Variants in EPHA1 observed in about 807,000 individuals in gnomAD.
EPHA1 encodes the protein ephrin type-A receptor 1.
Under a neutral mutation model 110.1 loss-of-function variants are expected in EPHA1, and 92 were observed. That is an observed-to-expected ratio of 0.84 (90% CI 0.71 to 0.99). The LOEUF (loss-of-function observed/expected upper bound fraction) is 0.99. EPHA1 is among the 50% of genes least tolerant of loss of function. EPHA1 has a pLI of 0.00. For synonymous variants in EPHA1, 500 were observed against 516.1 expected (o/e 0.97, Z 0.42); for missense variants, 1,204 against 1,285.4 (o/e 0.94, Z 0.97).
Position 143,393,709 on chromosome 7 carries a change from G to T in EPHA1, c.2658C>A (p.Asn886Lys). 1 of 1,613,884 alleles carries T rather than the reference G, an allele frequency of 6.2e-7. No homozygotes were observed. The highest frequency in any genetic ancestry group is 1.7e-4 in the Middle Eastern group (1 of 6,018). The part of the protein sequence containing the change: ...LQAHLEQLLA[N>K]PHSLRTIANF... The stretch of plus-strand genomic sequence containing the variant: ...TGGCAATGGTCCGCAGGGAGTGGGG[G>T]TTGGCAAGCAGTTGCTCCAGATGTG... The change falls in exon 16 of 18, where the codon AAC (asparagine) becomes AAA (lysine). Residue 886 changes from asparagine (N) to lysine (K), a missense_variant. By Grantham distance (94) the Asn-to-Lys change is moderately conservative. Coordinates refer to ENST00000275815, the MANE Select transcript of EPHA1 (RefSeq NM_005232.5). This position sits in a 1 kb window ranked among gnomAD's most constrained non-coding sequence, Gnocchi z 5.6.
chr7:143,394,859 G>A lies in EPHA1; in HGVS notation c.2301C>T (p.Asp767=). Residue 767 remains aspartate (D), a synonymous_variant, in exon 14 of 18, where the codon GAC becomes GAT. Transcript: ENST00000275815. Reference sequence around the variant, plus strand: ...CATCCAGGAGGCGAGTCAGGCCAAAGTCAGACACCTTGCAGCACAGGTTTT... The same window carrying A: ...CATCCAGGAGGCGAGTCAGGCCAAAATCAGACACCTTGCAGCACAGGTTTT... The part of the protein sequence containing the change: ...VNQNLCCKVS[D]FGLTRLLDDF... 2 of 1,614,180 alleles carry A rather than the reference G, an allele frequency of 1.2e-6. No individual in the cohort carries two copies. Among genetic ancestry groups the A allele is most frequent in the Non-Finnish European group, 1.7e-6 (2 of 1,180,040 alleles).
rs771069813 is a variant in EPHA1, at chr7:143,397,655, A to G, written c.1618T>C (p.Ser540Pro). The G allele has an allele frequency of 6.2e-7, 1 of 1,614,132 alleles. No homozygotes were observed. Among genetic ancestry groups the G allele is most frequent in the Non-Finnish European group, 8.5e-7 (1 of 1,180,002 alleles). Residue 540 changes from serine to proline, a missense_variant and splice_region_variant, in exon 9 of 18, where the codon TCC becomes CCC. By Grantham distance (74) the Ser-to-Pro change is moderately conservative. Coordinates refer to ENST00000275815, the MANE Select transcript of EPHA1 (RefSeq NM_005232.5). ...DHEFRTSPPV[S>P]RGLTGGEIVA... is the part of the protein sequence containing the mutation. The stretch of plus-strand genomic sequence containing the variant: ...ATCTCTCCTCCAGTCAGGCCCCTGG[A>G]CACTGTAGGCACAAAGGGATGAGGA...
intron 6 of EPHA1, 69 bp downstream of exon 6, chr7:143,398,532 G>A: frequency 1.9e-6 from 3 of 1,607,888 alleles, no homozygotes; most frequent in Non-Finnish European, 2.6e-6. Context: ...CTGCCCATCA[G>A]TTTGTTCTGT....
At chr7:143,403,682 G>T (rs755362715) in intron 2 of EPHA1, among the ~76,000 whole-genome samples, 17 of 152,226 alleles carry the variant, frequency 1.1e-4, no homozygotes, top group Non-Finnish European at 2.1e-4. Flanking sequence ...ACACAAGAGG[G>T]CTCATTTTCT....
chr7:143,394,528 C>A (rs550900995), intron 14 of EPHA1, among the ~76,000 whole-genome samples, 185 bp from the exon 15 acceptor site: 42 of 152,308 alleles, frequency 2.8e-4, no homozygotes, highest in African/African-American at 9.9e-4. Context: ...TCAAGCGATT[C>A]TCCTGCCTCA....
At position 143,393,592 on chromosome 7, in the gene EPHA1, A is replaced by G. The variant is rs566983921; in HGVS notation, c.2696+79T>C. On this transcript the variant is annotated intron_variant, in intron 16 of 17. Coordinates refer to ENST00000275815, the MANE Select transcript of EPHA1 (RefSeq NM_005232.5). This position sits in a 1 kb window ranked among gnomAD's most constrained non-coding sequence, Gnocchi z 5.6. ...CCAGAGCTCCCCAGGCCCAGCGCTC[A>G]AAGAAGATTGGCTGAATGCCCATTT... is the stretch of plus-strand genomic sequence containing the variant. The G allele has an allele frequency of 1.1e-5, 16 of 1,515,844 alleles. No homozygotes were observed. The East Asian group carries it at 3.7e-4, about 36-fold the overall frequency. 93.9% of individuals were successfully genotyped at this position (1,515,844 alleles called of 1,614,324 possible).
chr7:143,397,293 A>G lies in EPHA1; in HGVS notation c.1771+11T>C, dbSNP rs770650418. The G allele has an allele frequency of 1.3e-6, 2 of 1,547,290 alleles. No homozygotes were observed. Among genetic ancestry groups the G allele is most frequent in the South Asian group, 2.4e-5 (2 of 83,922 alleles). ...CGCATGTGGGGACACACGCAGGTGC[A>G]CCCGACTCACCTCGATCCACATCGG... On this transcript the variant is annotated intron_variant, in intron 10 of 17. Transcript: ENST00000275815.
At position 143,395,318 on chromosome 7, in the gene EPHA1, C is replaced by A. The variant is rs1345313968; in HGVS notation, c.2083+1G>T. 4 of 1,614,074 alleles carry A rather than the reference C, an allele frequency of 2.5e-6. No homozygotes were observed. The highest frequency in any genetic ancestry group is 1.1e-5 in the South Asian group (1 of 91,082). On this transcript the variant is annotated splice_donor_variant, in intron 12 of 17. Transcript: ENST00000275815. LOFTEE classifies it high-confidence loss of function. The surrounding 1 kb of genome is among the most constrained non-coding windows in gnomAD (Gnocchi z 4.7). The stretch of plus-strand genomic sequence containing the variant: ...CAGCTGAGGGAGACCACTCATCGTA[C>A]GCTTTGTGACGACGCCTTCCAGATG...
Position 143,401,652 on chromosome 7 carries a change from C to A in EPHA1, c.151-47G>T, listed in dbSNP as rs1056658228. 2 of 1,584,296 alleles carry A rather than the reference C, an allele frequency of 1.3e-6. No individual in the cohort carries two copies. The highest frequency in any genetic ancestry group is 1.7e-6 in the Non-Finnish European group (2 of 1,161,502). ...CAGGGACCAGATCATCCCCTGCTCCCCAAACCCTTGGTTTTTAGAGCTGAT... is the reference window on the plus strand; with the variant it reads ...CAGGGACCAGATCATCCCCTGCTCCACAAACCCTTGGTTTTTAGAGCTGAT... On this transcript the variant is annotated intron_variant, in intron 2 of 17. Coordinates refer to ENST00000275815, the MANE Select transcript of EPHA1 (RefSeq NM_005232.5). This position sits in a 1 kb window ranked among gnomAD's most constrained non-coding sequence, Gnocchi z 4.1.
chr7:143,398,404 TC>T lies in EPHA1; in HGVS notation c.1380del (p.Arg461GlyfsTer3). ...CCCGCCCAGGTCAGCTCTAGTTGCCTCGGTTCTTTCTTCACCAGTCTCAGAG... is the reference window on the plus strand; with the variant it reads ...CCCGCCCAGGTCAGCTCTAGTTGCCTGGTTCTTTCTTCACCAGTCTCAGAG... ...GLSLRLVKKE[P>X]RQLELTWAGS... On this transcript the variant is annotated frameshift_variant, in exon 7 of 18. Transcript: ENST00000275815. LOFTEE classifies it high-confidence loss of function. 6.2e-7 allele frequency: 1 copy of T among 1,614,166 alleles called. No homozygotes were observed. Among genetic ancestry groups the T allele is most frequent in the African/African-American group, 1.3e-5 (1 of 75,056 alleles).
At position 143,401,047 on chromosome 7, in the gene EPHA1, C is replaced by T. The variant is rs1805400146; in HGVS notation, c.432+277G>A. 2.2e-6 allele frequency: 1 copy of T among 457,630 alleles called. No individual in the cohort carries two copies. Among genetic ancestry groups the T allele is most frequent in the Non-Finnish European group, 4.0e-6 (1 of 251,496 alleles). The allele number at this position is 457,630 out of a possible 1,614,324, so 28.3% of individuals were successfully genotyped here. On this transcript the variant is annotated intron_variant, in intron 3 of 17. Transcript: ENST00000275815. The surrounding 1 kb of genome is among the most constrained non-coding windows in gnomAD (Gnocchi z 4.1). Reference sequence around the variant, plus strand: ...TCGCTGGGACTACAGGTATGGGCCACCATGCCCAGGTGATTTTTAATTTTT... The same window carrying T: ...TCGCTGGGACTACAGGTATGGGCCATCATGCCCAGGTGATTTTTAATTTTT...
intron 10 of EPHA1, 113 bp from the exon 11 acceptor site, chr7:143,396,623 A>G: frequency 4.5e-6 from 6 of 1,347,886 alleles, no homozygotes; most frequent in Non-Finnish European, 6.1e-6. Flanking sequence ...CTGTTTCCCA[A>G]GGTGACTCCT....
rs201209720 is a variant in EPHA1 at position 143,399,704 on chromosome 7, C to T, written c.782G>A (p.Arg261Gln). Residue 261 changes from arginine to glutamine, a missense_variant, in exon 4 of 18, where the codon CGG becomes CAG. Physicochemically the swap from Arg to Gln is conservative, Grantham distance 43. Coordinates refer to ENST00000275815, the MANE Select transcript of EPHA1 (RefSeq NM_005232.5). ...CTCATAGCCAGGCTCACAGTGGCAC[C>T]GTCCTACAGGCACCAGCCACTCGCC... Reference protein sequence around the residue: ...PDGEWLVPVGRCHCEPGYEEG... With the variant: ...PDGEWLVPVGQCHCEPGYEEG... 7.3e-5 allele frequency: 117 copies of T among 1,613,726 alleles called. 1 individual carries two copies. Among genetic ancestry groups the T allele is most frequent in the Non-Finnish European group, 8.6e-5 (102 of 1,180,000 alleles).
intron 8 of EPHA1, 43 bp from the exon 9 acceptor site, chr7:143,397,700 C>G (rs367732092): frequency 6.2e-7 from 1 of 1,609,322 alleles, no homozygotes. Context: ...ACTCACAGTC[C>G]GTAGGAATGA....
chr7:143,408,551 C>T (rs1805620024), intron 1 of EPHA1, among the ~76,000 whole-genome samples, 173 bp downstream of exon 1: 1 of 151,832 alleles, frequency 6.6e-6, no homozygotes, highest in Non-Finnish European at 1.5e-5. Flanking sequence ...GGGTTAAAGA[C>T]CAAAGATGGG....
rs778558358 is a variant in EPHA1, at chr7:143,398,679, C to T, written c.1258G>A (p.Glu420Lys). 1 of 1,614,104 alleles carries T rather than the reference C, an allele frequency of 6.2e-7. No homozygotes were observed. The highest frequency in any genetic ancestry group is 8.5e-7 in the Non-Finnish European group (1 of 1,179,996). Residue 420 changes from glutamate (E) to lysine (K), a missense_variant, in exon 6 of 18, where the codon GAA becomes AAA. By Grantham distance (56) the Glu-to-Lys change is moderately conservative. Transcript: ENST00000275815. ...AGCCCTGACACTCCATTTTGGGCTTCCACATTAAAGGTGTAGTTGGCATAA... is the reference window on the plus strand; with the variant it reads ...AGCCCTGACACTCCATTTTGGGCTTTCACATTAAAGGTGTAGTTGGCATAA... The part of the protein sequence containing the change: ...EPYANYTFNV[E>K]AQNGVSGLGS...
Position 143,395,122 on chromosome 7 carries a change from C to T in EPHA1, c.2144G>A (p.Arg715Lys). 6.2e-7 allele frequency: 1 copy of T among 1,614,070 alleles called. No homozygotes were observed. Among genetic ancestry groups the T allele is most frequent in the Non-Finnish European group, 8.5e-7 (1 of 1,180,024 alleles). Reference protein sequence around the residue: ...MENGALDAFLREREDQLVPGQ... With the variant: ...MENGALDAFLKEREDQLVPGQ... ...CAGCTAGTCCTCTGCCCTCCTCACC[C>T]TCAGGAAGGCATCCAGGGCTCCATT... The change falls in exon 13 of 18, where the codon AGG becomes AAG. Residue 715 changes from arginine to lysine, a missense_variant and splice_region_variant. By Grantham distance (26) the Arg-to-Lys change is conservative. Coordinates refer to ENST00000275815, the MANE Select transcript of EPHA1 (RefSeq NM_005232.5). The surrounding 1 kb of genome is among the most constrained non-coding windows in gnomAD (Gnocchi z 4.7).
intron 2 of EPHA1, among the ~76,000 whole-genome samples, chr7:143,403,218 A>C (rs1805466615): frequency 6.6e-6 from 1 of 152,144 alleles, no homozygotes; most frequent in Non-Finnish European, 1.5e-5. Context: ...AAAATACAAA[A>C]AAATTAGCTG....
chr7:143,396,933 A>G (rs2116620306), intron 10 of EPHA1, among the ~76,000 whole-genome samples: 1 of 152,144 alleles, frequency 6.6e-6, no homozygotes, highest in East Asian at 1.9e-4. Flanking sequence ...GTGACAAGCA[A>G]GAAGCTCATA....
Sources: allele counts gnomAD v4.1 joint callset (sites outside exome capture counted in the v4.1 genomes callset), GRCh38; gene constraint gnomAD v4.1.1; non-coding constraint Gnocchi (gnomAD v3.1); transcripts MANE v1.5; gene names NCBI Gene and HGNC (gene_info 2026-07-23, HGNC 2026-07-21).